Variants in ACSF3 observed in about 807,000 individuals in gnomAD.
ACSF3 encodes the protein malonate--CoA ligase ACSF3, mitochondrial.
Under a neutral mutation model 53.2 loss-of-function variants are expected in ACSF3, and 78 were observed. The ratio of observed to expected loss-of-function variants is 1.47; its 90% confidence interval spans 1.22 to 1.77. The LOEUF (loss-of-function observed/expected upper bound fraction) is 1.77, where lower values mean the gene tolerates loss of function less well. ACSF3 is among the 40% of genes most tolerant of loss of function. The probability of loss-of-function intolerance (pLI) is 0.00; values close to 1 mark genes in which losing one functional copy is unlikely to be tolerated. For missense variants in ACSF3, 937 were observed against 771.1 expected (o/e 1.22, Z -2.55); for synonymous variants, 414 against 333.1 (o/e 1.24, Z -2.65).
At chr16:89,122,600 G>A (rs932592576) in intron 7 of ACSF3, 2 of 243,374 alleles carry the variant, frequency 8.2e-6, no homozygotes, top group African/African-American at 2.3e-5. Flanking sequence ...CTGTGCCTGG[G>A]TTGGGGACAC....
intron 1 of ACSF3, among the ~76,000 whole-genome samples, chr16:89,094,244 C>T (rs556759978): frequency 2.6e-5 from 4 of 152,198 alleles, no homozygotes; most frequent in African/African-American, 7.2e-5. Flanking sequence ...ACGCCGGGCC[C>T]GGTGATACCG....
At chr16:89,120,456 T>G (rs1906354731) in intron 6 of ACSF3, among the ~76,000 whole-genome samples, 1 of 152,168 alleles carries the variant, frequency 6.6e-6, no homozygotes, top group Non-Finnish European at 1.5e-5. Flanking sequence ...CCAGAATCTG[T>G]GGGCAGCTGT....
chr16:89,147,199 G>A (rs1245456277), intron 10 of ACSF3, among the ~76,000 whole-genome samples: 1 of 70,698 alleles, frequency 1.4e-5, no homozygotes, highest in Non-Finnish European at 3.3e-5. Flanking sequence ...GGTCCACAGA[G>A]TGAGTGAGAG....
chr16:89,117,326 C>T (rs1427224545), intron 6 of ACSF3, among the ~76,000 whole-genome samples: 4 of 152,214 alleles, frequency 2.6e-5, no homozygotes, highest in East Asian at 1.9e-4. Flanking sequence ...CCCACGGTCA[C>T]GCGGCTGGTG....
chr16:89,144,106 C>T (rs73256062), intron 8 of ACSF3, among the ~76,000 whole-genome samples: 9,362 of 152,292 alleles, frequency 0.061, 747 homozygotes, highest in East Asian at 0.37. Context: ...CACACACGCT[C>T]GCAGGCACGC....
rs3743980 is a variant in ACSF3, at chr16:89,114,527, G to T, written c.1126+40G>T. The stretch of plus-strand genomic sequence containing the variant: ...CACAGCTGCGTTCCTCTTCCACTGT[G>T]CTCTGAGCCCCCCAAGGTGGGCCAG... On this transcript the variant is annotated intron_variant, in intron 6 of 10. Coordinates refer to ENST00000614302, the MANE Select transcript of ACSF3 (RefSeq NM_001243279.3). 0.7 allele frequency: 1,124,930 copies of T among 1,604,900 alleles called. 401,262 individuals carry two copies. The highest frequency in any genetic ancestry group is 0.77 in the Admixed American group (46,253 of 59,994).
Position 89,154,387 on chromosome 16 carries a change from G to T in ACSF3, c.*180G>T, listed in dbSNP as rs1243948735. The T allele has an allele frequency of 1.4e-6, 1 of 703,592 alleles. No individual in the cohort carries two copies. Among genetic ancestry groups the T allele is most frequent in the South Asian group, 1.5e-5 (1 of 66,908 alleles). 43.6% of individuals were successfully genotyped at this position (703,592 alleles called of 1,614,324 possible). ...ATGTGGGGTCCCCAGCCTCGGGCCA[G>T]TTGTTGCAGCTCAAGGAGACCGTCC... On this transcript the variant is annotated 3_prime_UTR_variant, in exon 11 of 11. Coordinates refer to ENST00000614302, the MANE Select transcript of ACSF3 (RefSeq NM_001243279.3).
chr16:89,107,955 G>A (rs1384003242), intron 4 of ACSF3, among the ~76,000 whole-genome samples: 3 of 152,194 alleles, frequency 2.0e-5, no homozygotes, highest in Non-Finnish European at 2.9e-5. Context: ...AATTGGACTC[G>A]CAGTTCCACA....
chr16:89,128,983 A>G (rs933782421), intron 7 of ACSF3, among the ~76,000 whole-genome samples: 5 of 114,896 alleles, frequency 4.4e-5, no homozygotes, highest in Admixed American at 1.8e-4. Context: ...AAAAAAAAAA[A>G]TAGCTGGGCA....
intron 7 of ACSF3, among the ~76,000 whole-genome samples, chr16:89,124,016 C>T (rs1031926820): frequency 1.8e-4 from 13 of 73,698 alleles, no homozygotes; most frequent in Admixed American, 9.4e-4. Context: ...AGGTATCACA[C>T]GCACGCAGTG....
intron 8 of ACSF3, among the ~76,000 whole-genome samples, chr16:89,135,485 A>G (rs549013751): frequency 2.4e-4 from 37 of 152,338 alleles, no homozygotes; most frequent in African/African-American, 8.2e-4. Context: ...TTCCCAAGGT[A>G]CCCTGGGAGG....
chr16:89,136,581 C>T (rs769747304), intron 8 of ACSF3: 26 of 1,280,528 alleles, frequency 2.0e-5, no homozygotes, highest in Non-Finnish European at 2.3e-5. Flanking sequence ...TGGCATAAGC[C>T]GGCGGGCACA....
At chr16:89,140,118 A>C (rs1911457825) in intron 8 of ACSF3, among the ~76,000 whole-genome samples, 1 of 152,236 alleles carries the variant, frequency 6.6e-6, no homozygotes, top group Non-Finnish European at 1.5e-5. Flanking sequence ...ACTGGGGTCC[A>C]GGTGCAGAAG....
At chr16:89,120,258 A>C (rs1906301673) in intron 6 of ACSF3, among the ~76,000 whole-genome samples, 2 of 152,228 alleles carry the variant, frequency 1.3e-5, no homozygotes, top group Admixed American at 1.3e-4. Flanking sequence ...TAAATGAGCC[A>C]GTACAAAGTG....
intron 7 of ACSF3, chr16:89,122,353 C>T (rs1284977069): frequency 4.9e-6 from 2 of 411,348 alleles, no homozygotes; most frequent in South Asian, 1.7e-5. Context: ...TTGCTATACC[C>T]ACCTCCCCTG....
At chr16:89,112,039 A>G in intron 4 of ACSF3, 53 bp from the exon 5 acceptor site, 2 of 177,178 alleles carry the variant, frequency 1.1e-5, no homozygotes, top group South Asian at 7.6e-5. Flanking sequence ...AGCCTCCGCC[A>G]CGGGCCCCAG....
chr16:89,147,760 C>T (rs1438679753), intron 10 of ACSF3: 1 of 152,176 alleles, frequency 6.6e-6, no homozygotes, highest in Non-Finnish European at 1.5e-5. Context: ...CAGATCCAAA[C>T]CATATCGTTC....
At position 89,155,521 on chromosome 16, in the gene ACSF3, A is replaced by C. The variant is rs1179843861; in HGVS notation, c.*1314A>C. 4.4e-6 allele frequency: 2 copies of C among 453,954 alleles called. No homozygotes were observed. The highest frequency in any genetic ancestry group is 8.8e-6 in the Non-Finnish European group (2 of 226,778). 28.1% of individuals were successfully genotyped at this position (453,954 alleles called of 1,614,324 possible). Reference sequence around the variant, plus strand: ...CCAGGACTGGTGGGTGCCCCAGTCCACGGCCCTGCCCCACCCGAACTCCTG... The same window carrying C: ...CCAGGACTGGTGGGTGCCCCAGTCCCCGGCCCTGCCCCACCCGAACTCCTG... On this transcript the variant is annotated 3_prime_UTR_variant, in exon 11 of 11. Transcript: ENST00000614302.
chr16:89,124,828 A>C (rs574072534), intron 7 of ACSF3, among the ~76,000 whole-genome samples: 48 of 152,362 alleles, frequency 3.2e-4, no homozygotes, highest in African/African-American at 9.6e-4. Context: ...CCCTTTCTGC[A>C]TTGCATTGCC....
Sources: allele counts gnomAD v4.1 joint callset (sites outside exome capture counted in the v4.1 genomes callset), GRCh38; gene constraint gnomAD v4.1.1; transcripts MANE v1.5; gene names NCBI Gene and HGNC (gene_info 2026-07-23, HGNC 2026-07-21).